Variants in PARD3 observed in about 807,000 individuals in gnomAD.
The protein encoded by PARD3 is partitioning defective 3 homolog.
Under a neutral mutation model 155.4 loss-of-function variants are expected in PARD3, and 75 were observed. The observed-to-expected ratio is 0.48, with a 90% confidence interval of 0.40 to 0.58. PARD3 has a LOEUF of 0.58. PARD3 is among the 20% of genes least tolerant of loss of function. PARD3 has a pLI of 0.00. For missense variants in PARD3, 1,642 were observed against 1,721.7 expected, an observed-to-expected ratio of 0.95 and a Z score of 0.82; for synonymous variants, 576 against 610.5, an observed-to-expected ratio of 0.94 and a Z score of 0.83.
At chr10:34,666,641 G>A (rs1205719564) in intron 2 of PARD3, among the ~76,000 whole-genome samples, 1 of 151,434 alleles carries the variant, frequency 6.6e-6, no homozygotes, top group African/African-American at 2.4e-5. Context: ...GGACAGGGCA[G>A]GCACACCTAA....
intron 20 of PARD3, among the ~76,000 whole-genome samples, chr10:34,314,646 ATGGCAAATTT>A (rs1957897791): frequency 6.6e-6 from 1 of 152,204 alleles, no homozygotes; most frequent in Non-Finnish European, 1.5e-5. Flanking sequence ...CACTGCCACC[ATGGCAAATTT>A]TCAGCTACCA....
chr10:34,704,091 C>T (rs2094326906), intron 1 of PARD3, among the ~76,000 whole-genome samples: 2 of 152,172 alleles, frequency 1.3e-5, no homozygotes, highest in South Asian at 4.1e-4. Flanking sequence ...AGGACGTCAG[C>T]TGCAAACCTG....
chr10:34,420,952 G>A (rs1846131072), intron 5 of PARD3, among the ~76,000 whole-genome samples: 1 of 152,136 alleles, frequency 6.6e-6, no homozygotes, highest in Non-Finnish European at 1.5e-5. Context: ...AAGGTCGGGG[G>A]GATTGCTTGA....
chr10:34,415,441 A>G (rs1845573599), intron 5 of PARD3, among the ~76,000 whole-genome samples: 1 of 152,230 alleles, frequency 6.6e-6, no homozygotes, highest in South Asian at 2.1e-4. Context: ...TCTGAATGAT[A>G]CTCATAGTTG....
At chr10:34,562,264 C>T (rs1440412949) in intron 2 of PARD3, among the ~76,000 whole-genome samples, 2 of 151,582 alleles carry the variant, frequency 1.3e-5, no homozygotes, top group African/African-American at 2.4e-5. Context: ...TGGTGAAACC[C>T]CATCTCTACT....
At chr10:34,800,141 CA>C (rs34983969) in intron 1 of PARD3, among the ~76,000 whole-genome samples, 57,723 of 142,132 alleles carry the variant, frequency 0.41, 13,425 homozygotes, top group African/African-American at 0.68. Context: ...TGCAACTTCC[CA>C]AAAAAAAAAA....
intron 20 of PARD3, among the ~76,000 whole-genome samples, chr10:34,303,063 A>C (rs1241812874): frequency 2.6e-5 from 2 of 77,136 alleles, no homozygotes; most frequent in Non-Finnish European, 4.8e-5. Flanking sequence ...CTCCAAAACC[A>C]AGTTTTAAAA....
intron 1 of PARD3, among the ~76,000 whole-genome samples, chr10:34,813,403 T>C (rs1407102372): frequency 6.6e-6 from 1 of 152,158 alleles, no homozygotes; most frequent in Non-Finnish European, 1.5e-5. Flanking sequence ...CTGTCACACA[T>C]AAACAACACT....
intron 22 of PARD3, among the ~76,000 whole-genome samples, chr10:34,151,477 T>C (rs978763119): frequency 1.3e-5 from 2 of 152,070 alleles, no homozygotes; most frequent in Non-Finnish European, 2.9e-5. Context: ...AAAACATGAG[T>C]GTATATATGT....
At position 34,182,841 on chromosome 10, in the gene PARD3, C is replaced by T. The variant is rs890024766; in HGVS notation, c.3420-51258G>A. Among the ~76,000 whole-genome samples the T allele has an allele frequency of 2.4e-4, 37 of 151,836 alleles. 1 individual carries two copies. The highest frequency in any genetic ancestry group is 8.0e-4 in the African/African-American group (33 of 41,276). Reference sequence around the variant, plus strand: ...CTATTGGTGTAAATGGGTTCTCTTACGCCAGGTCATTACTCTCCTCTGTGC... The same window carrying T: ...CTATTGGTGTAAATGGGTTCTCTTATGCCAGGTCATTACTCTCCTCTGTGC... On this transcript the variant is annotated intron_variant, in intron 22 of 24. Coordinates refer to ENST00000374788, the MANE Select transcript of PARD3 (RefSeq NM_001184785.2).
In PARD3 at chr10:34,336,235, C is replaced by T. The variant is rs1429688645; in HGVS notation, c.2569G>A (p.Glu857Lys). 14 of 1,611,844 alleles carry T rather than the reference C, an allele frequency of 8.7e-6. No individual in the cohort carries two copies. Among genetic ancestry groups the T allele is most frequent in the Middle Eastern group, 1.7e-4 (1 of 6,056 alleles). The change falls in exon 18 of 25, where the codon GAG (glutamate) becomes AAG (lysine). Residue 857 changes from glutamate to lysine, a missense_variant. Physicochemically the swap from Glu to Lys is moderately conservative, Grantham distance 56. Coordinates refer to ENST00000374788, the MANE Select transcript of PARD3 (RefSeq NM_001184785.2). Reference protein sequence around the residue: ...SKSMDLGIADETKLNTVDDQK... With the variant: ...SKSMDLGIADKTKLNTVDDQK... ...TCATCCACTGTATTGAGTTTAGTCT[C>T]GTCAGCTACTGTTAAAAGGTAAATG...
intron 3 of PARD3, among the ~76,000 whole-genome samples, chr10:34,478,502 A>G (rs375729427): frequency 6.6e-6 from 1 of 152,250 alleles, no homozygotes; most frequent in African/African-American, 2.4e-5. Context: ...CACTGAATCC[A>G]ACACACATAA....
intron 1 of PARD3, among the ~76,000 whole-genome samples, chr10:34,742,931 G>A (rs1032873993): frequency 1.3e-4 from 20 of 152,078 alleles, no homozygotes; most frequent in African/African-American, 1.7e-4. Flanking sequence ...CAGGAGCTTC[G>A]GAGTCACACG....
chr10:34,812,939 T>TGTG (rs1844387775), intron 1 of PARD3, among the ~76,000 whole-genome samples: 2 of 152,192 alleles, frequency 1.3e-5, no homozygotes, highest in African/African-American at 4.8e-5. Flanking sequence ...CCCTGCACTC[T>TGTG]AGCCACCCAG....
At chr10:34,653,582 A>G (rs2093078670) in intron 2 of PARD3, among the ~76,000 whole-genome samples, 1 of 152,134 alleles carries the variant, frequency 6.6e-6, no homozygotes, top group Non-Finnish European at 1.5e-5. Flanking sequence ...TTTGCAAGGT[A>G]AAGAGGAAAA....
At position 34,383,472 on chromosome 10, in the gene PARD3, CAAG is replaced by C. The variant is rs556209796; in HGVS notation, c.1017-553_1017-551del. Among the ~76,000 whole-genome samples the C allele has an allele frequency of 2.2e-3, 334 of 152,054 alleles. 9 individuals are homozygous for C. The highest frequency in any genetic ancestry group is 0.02 in the Admixed American group (313 of 15,270). On this transcript the variant is annotated intron_variant, in intron 8 of 24. Coordinates refer to ENST00000374788, the MANE Select transcript of PARD3 (RefSeq NM_001184785.2). ...ATTAAGTTGGTATATGTAAAAATCT[CAAG>C]AACAGCAATCCAGGCTCAATAATTC...
At chr10:34,690,879 G>C (rs1039830565) in intron 2 of PARD3, among the ~76,000 whole-genome samples, 2 of 152,174 alleles carry the variant, frequency 1.3e-5, no homozygotes, top group African/African-American at 4.8e-5. Flanking sequence ...AGTCATCTAA[G>C]TGTCCACAGC....
intron 20 of PARD3, among the ~76,000 whole-genome samples, chr10:34,309,548 C>CAAAAAAAAAAAAAAAAAAAAAAA (rs1173904388): frequency 9.4e-5 from 6 of 64,032 alleles, no homozygotes; most frequent in Non-Finnish European, 1.1e-4. Context: ...ACCCTGTCTC[C>CAAAAAAAAAAAAAAAAAAAAAAA]AAAAAAAAAA....
At chr10:34,761,740 AT>A (rs758617768) in intron 1 of PARD3, among the ~76,000 whole-genome samples, 2 of 152,138 alleles carry the variant, frequency 1.3e-5, no homozygotes, top group Non-Finnish European at 2.9e-5. Context: ...GTAGTATTTT[AT>A]GTTCTGCAGT....
Sources: gnomAD v4.1 joint callset for allele counts (sites outside exome capture counted in the v4.1 genomes callset) on GRCh38, gnomAD v4.1.1 for gene constraint, MANE v1.5 for transcripts, NCBI Gene and HGNC (gene_info 2026-07-23, HGNC 2026-07-21) for gene names.